Variants in SNTG2 observed in about 807,000 individuals in gnomAD.
SNTG2 encodes gamma-2-syntrophin.
SNTG2 carries 74 observed loss-of-function variants against 70.9 expected under a neutral mutation model. The ratio of observed to expected loss-of-function variants is 1.04; its 90% CI spans 0.86 to 1.27. The LOEUF is 1.27. SNTG2 is among the 50% of genes most tolerant of loss of function. The pLI is 0.00. For missense variants in SNTG2, 717 were observed against 690.7 expected, an observed-to-expected ratio of 1.04 and a Z score of -0.43; for synonymous variants, 278 against 273.8, an observed-to-expected ratio of 1.02 and a Z score of -0.15.
rs755418773 is a variant in SNTG2 at position 1,098,344 on chromosome 2, G to T, written c.268-9G>T. 3.1e-6 allele frequency: 5 copies of T among 1,613,852 alleles called. No individual in the cohort carries two copies. Among genetic ancestry groups the T allele is most frequent in the Non-Finnish European group, 3.4e-6 (4 of 1,179,898 alleles). On this transcript the variant is annotated splice_polypyrimidine_tract_variant and intron_variant, in intron 3 of 16. Coordinates refer to ENST00000308624, the MANE Select transcript of SNTG2 (RefSeq NM_018968.4). The stretch of plus-strand genomic sequence containing the variant: ...AACCACGTTTCTTTCTGATGGCTTT[G>T]TCTTTCAGGGAGGTTCTGAGCACAA...
chr2:1,095,381 C>A (rs755791017), intron 2 of SNTG2, among the ~76,000 whole-genome samples: 4 of 152,172 alleles, frequency 2.6e-5, no homozygotes, highest in Non-Finnish European at 5.9e-5. Flanking sequence ...TACAAATGTA[C>A]ACAGAAAGGA....
rs1340808875 is a variant in SNTG2 at position 1,032,713 on chromosome 2, T to C, written c.73-50805T>C. Among the ~76,000 whole-genome samples, 6 of 152,090 alleles carry C rather than the reference T, an allele frequency of 3.9e-5. 1 individual carries two copies. The highest frequency in any genetic ancestry group is 6.8e-3 in the Middle Eastern group (2 of 294). On this transcript the variant is annotated intron_variant, in intron 1 of 16. Transcript: ENST00000308624. ...TGTTTGCAAATGCTCTTAAACAGTT[T>C]GAGTTAGTTACTTTGTATCTACCTC... is the stretch of plus-strand genomic sequence containing the variant.
At chr2:1,254,975 C>G (rs1440169304) in intron 12 of SNTG2, among the ~76,000 whole-genome samples, 2 of 152,186 alleles carry the variant, frequency 1.3e-5, no homozygotes, top group East Asian at 1.9e-4. Flanking sequence ...AGAAAATCGG[C>G]TGATAAAGTG....
At chr2:1,300,785 C>T (rs1365072683) in intron 14 of SNTG2, among the ~76,000 whole-genome samples, 2 of 152,064 alleles carry the variant, frequency 1.3e-5, no homozygotes, top group Non-Finnish European at 2.9e-5. Flanking sequence ...TGAAAATGAA[C>T]TTGAGTGTGC....
Position 1,097,545 on chromosome 2 carries a change from C to G in SNTG2, c.211-651C>G, listed in dbSNP as rs1665475416. 6.6e-6 allele frequency among the ~76,000 whole-genome samples: 1 copy of G among 152,212 alleles called. No individual in the cohort carries two copies. The highest frequency in any genetic ancestry group is 1.5e-5 in the Non-Finnish European group (1 of 68,040). ...ACCTGAAGTTGGCAACAGTCGCATT[C>G]ATCAGATTAGACCACAGCAAAACAT... On this transcript the variant is annotated intron_variant, in intron 2 of 16. Transcript: ENST00000308624. The surrounding 1 kb of genome is among the most constrained non-coding windows in gnomAD (Gnocchi z 4.1).
chr2:1,040,183 T>C (rs1661355103), intron 1 of SNTG2, among the ~76,000 whole-genome samples: 1 of 152,206 alleles, frequency 6.6e-6, no homozygotes, highest in Non-Finnish European at 1.5e-5. Flanking sequence ...TTAACTTGCC[T>C]GTCCCATAGA....
At chr2:991,301 G>A (rs1267153710) in intron 1 of SNTG2, among the ~76,000 whole-genome samples, 1 of 151,202 alleles carries the variant, frequency 6.6e-6, no homozygotes, top group African/African-American at 2.4e-5. Context: ...CCTAAGTCTT[G>A]CCTCATTGTT....
intron 6 of SNTG2, among the ~76,000 whole-genome samples, chr2:1,143,606 C>T (rs1388343723): frequency 1.3e-5 from 2 of 151,402 alleles, no homozygotes; most frequent in Non-Finnish European, 2.9e-5. Flanking sequence ...CAGTGACTCA[C>T]TCCTGTAATC....
chr2:1,235,079 C>G (rs931326380), intron 9 of SNTG2, among the ~76,000 whole-genome samples: 4 of 152,238 alleles, frequency 2.6e-5, no homozygotes, highest in African/African-American at 9.6e-5. Context: ...CAACCAGGGA[C>G]CCCCAATTCA....
intron 16 of SNTG2, among the ~76,000 whole-genome samples, chr2:1,324,557 T>G (rs532001595): frequency 3.9e-5 from 6 of 152,272 alleles, no homozygotes; most frequent in African/African-American, 1.4e-4. Flanking sequence ...AGGAAATAAT[T>G]CAGAATTCAG....
At chr2:1,219,621 G>T (rs968149575) in intron 9 of SNTG2, among the ~76,000 whole-genome samples, 1 of 151,720 alleles carries the variant, frequency 6.6e-6, no homozygotes, top group Non-Finnish European at 1.5e-5. Context: ...TTTTAGGCAG[G>T]CCTCAAATTG....
rs577563977 is a variant in SNTG2, at chr2:1,272,463, TAAAAA to T, written c.1284+4910_1284+4914del. Among the ~76,000 whole-genome samples, 116 of 51,878 alleles carry T rather than the reference TAAAAA, an allele frequency of 2.2e-3. 4 individuals carry two copies. The highest frequency in any genetic ancestry group is 0.01 in the African/African-American group (110 of 10,660). The allele number at this position is 51,878 out of a possible 152,430, so 34.0% of individuals were successfully genotyped here. ...CTAACAGGCCACAGACTGGTACTGGTAAAAAAAAAAAAAAAAAAAAAAGGATTCTG... is the reference window on the plus strand; with the variant it reads ...CTAACAGGCCACAGACTGGTACTGGTAAAAAAAAAAAAAAAAAGGATTCTG... On this transcript the variant is annotated intron_variant, in intron 14 of 16. Transcript: ENST00000308624.
At chr2:1,267,608 G>A in intron 14 of SNTG2, 37 bp downstream of exon 14, 1 of 1,577,544 alleles carries the variant, frequency 6.3e-7, no homozygotes, top group South Asian at 1.1e-5. Context: ...ACCTACACCT[G>A]CTCGGGTGTC....
rs1381718042 is a variant in SNTG2 at position 1,097,513 on chromosome 2, C to A, written c.211-683C>A. Among the ~76,000 whole-genome samples the A allele has an allele frequency of 2.6e-5, 4 of 152,204 alleles. No homozygotes were observed. Among genetic ancestry groups the A allele is most frequent in the African/African-American group, 4.8e-5 (2 of 41,464 alleles). On this transcript the variant is annotated intron_variant, in intron 2 of 16. Coordinates refer to ENST00000308624, the MANE Select transcript of SNTG2 (RefSeq NM_018968.4). This position sits in a 1 kb window ranked among gnomAD's most constrained non-coding sequence, Gnocchi z 4.1. ...CCCCCTCAGAGCAGCACCAGTCACTCATGTCTACCTGAAGTTGGCAACAGT... is the reference window on the plus strand; with the variant it reads ...CCCCCTCAGAGCAGCACCAGTCACTAATGTCTACCTGAAGTTGGCAACAGT...
chr2:996,705 A>C (rs1361612263), intron 1 of SNTG2, among the ~76,000 whole-genome samples: 1 of 23,220 alleles, frequency 4.3e-5, no homozygotes, highest in Non-Finnish European at 8.0e-5. Context: ...TTTTTTTTTT[A>C]CTACCACTAG....
intron 15 of SNTG2, among the ~76,000 whole-genome samples, chr2:1,308,798 C>T (rs1440906069): frequency 2.0e-5 from 3 of 152,174 alleles, no homozygotes; most frequent in Non-Finnish European, 4.4e-5. Flanking sequence ...ATAGGATTCA[C>T]AGCAGGGTCA....
chr2:1,083,571 C>A lies in SNTG2; in HGVS notation c.126C>A (p.Asp42Glu). The change falls in exon 2 of 17, where the codon GAC becomes GAA. Residue 42 changes from aspartate to glutamate, a missense_variant. By Grantham distance (45) the Asp-to-Glu change is conservative. Coordinates refer to ENST00000308624, the MANE Select transcript of SNTG2 (RefSeq NM_018968.4). ...LYDEESENAYDIRLKLTKEVL... is the reference protein window; with the variant it reads ...LYDEESENAYEIRLKLTKEVL... Reference sequence around the variant, plus strand: ...ATGAAGAGTCCGAAAATGCCTATGACATCCGGCTGAAGCTGACGAAAGAGG... The same window carrying A: ...ATGAAGAGTCCGAAAATGCCTATGAAATCCGGCTGAAGCTGACGAAAGAGG... 1 of 1,613,754 alleles carries A rather than the reference C, an allele frequency of 6.2e-7. No homozygotes were observed. Among genetic ancestry groups the A allele is most frequent in the Non-Finnish European group, 8.5e-7 (1 of 1,179,714 alleles).
chr2:969,349 T>C (rs1266393010), intron 1 of SNTG2, among the ~76,000 whole-genome samples: 1 of 150,914 alleles, frequency 6.6e-6, no homozygotes, highest in Admixed American at 6.7e-5. Flanking sequence ...CTATTCAAGC[T>C]CTTTTTTTGT....
intron 4 of SNTG2, among the ~76,000 whole-genome samples, chr2:1,131,891 C>T (rs962621075): frequency 5.3e-5 from 8 of 152,056 alleles, no homozygotes; most frequent in Admixed American, 2.0e-4. Flanking sequence ...ACCTCGTGAT[C>T]CGCCCGCCTC....
Sources: gnomAD v4.1 joint callset for allele counts (sites outside exome capture counted in the v4.1 genomes callset) on GRCh38, gnomAD v4.1.1 for gene constraint, Gnocchi (gnomAD v3.1) non-coding constraint, MANE v1.5 for transcripts, NCBI Gene and HGNC (gene_info 2026-07-23, HGNC 2026-07-21) for gene names.